RPS6KC1: variants seen among roughly 807,000 people sequenced by gnomAD.
The protein encoded by RPS6KC1 is inactive ribosomal protein S6 kinase delta-1.
Under a neutral mutation model 103.8 loss-of-function variants are expected in RPS6KC1, and 54 were observed. The observed-to-expected ratio is 0.52, with a 90% CI of 0.42 to 0.65. The LOEUF is 0.65. Among genes scored for constraint, RPS6KC1 ranks in the 30% least tolerant of loss-of-function variants. The pLI, the probability that RPS6KC1 is intolerant of heterozygous loss-of-function variation, is 0.00. For synonymous variants in RPS6KC1, 439 were observed against 438.7 expected, an observed-to-expected ratio of 1.00 and a Z score of -0.01; for missense variants, 1,151 against 1,253.8, an observed-to-expected ratio of 0.92 and a Z score of 1.24.
chr1:213,393,803 GGGA>G, the RPS6KC1 span, among the ~76,000 whole-genome samples: 5 of 152,168 alleles, frequency 3.3e-5, no homozygotes, highest in East Asian at 9.6e-4. Context: ...GCTTGTGAAA[GGGA>G]GGAGAAGGAG....
the RPS6KC1 span, among the ~76,000 whole-genome samples, chr1:213,848,242 G>C: frequency 1.3e-5 from 2 of 152,062 alleles, no homozygotes; most frequent in African/African-American, 4.8e-5. Context: ...CCACAATCAA[G>C]ATATAGAACA....
the RPS6KC1 span, among the ~76,000 whole-genome samples, chr1:213,439,164 T>C: frequency 6.6e-6 from 1 of 152,266 alleles, no homozygotes; most frequent in South Asian, 2.1e-4. Context: ...CCCAACACCA[T>C]GGGGTTTCCA....
chr1:213,503,666 G>A, the RPS6KC1 span, among the ~76,000 whole-genome samples: 1 of 152,164 alleles, frequency 6.6e-6, no homozygotes, highest in Non-Finnish European at 1.5e-5. Flanking sequence ...TTGGGGCATT[G>A]CAAAGTCTGC....
At chr1:213,190,872 C>T (rs1185307991) in intron 8 of RPS6KC1, among the ~76,000 whole-genome samples, 7 of 152,086 alleles carry the variant, frequency 4.6e-5, no homozygotes, top group Admixed American at 2.6e-4. Flanking sequence ...TATGGATATT[C>T]GGTTTTCCCA....
chr1:213,370,837 G>A, the RPS6KC1 span, among the ~76,000 whole-genome samples: 8 of 152,124 alleles, frequency 5.3e-5, no homozygotes, highest in Non-Finnish European at 1.2e-4. Context: ...CCTTTGGGGT[G>A]GGGGACAGGG....
chr1:213,454,706 C>T, the RPS6KC1 span, among the ~76,000 whole-genome samples: 3 of 152,206 alleles, frequency 2.0e-5, no homozygotes, highest in African/African-American at 7.2e-5. Context: ...TAAACCCAAA[C>T]CACTTGCTTC....
intron 8 of RPS6KC1, 155 bp downstream of exon 8, chr1:213,176,647 G>C: frequency 2.1e-6 from 1 of 472,072 alleles, no homozygotes; most frequent in East Asian, 3.1e-5. Context: ...AAGAGAAAAA[G>C]CTTTTATCTG....
the RPS6KC1 span, among the ~76,000 whole-genome samples, chr1:213,506,269 A>G: frequency 1.3e-5 from 2 of 152,290 alleles, no homozygotes; most frequent in Admixed American, 6.5e-5. Flanking sequence ...GATTTTGTGC[A>G]TGGAAGAATG....
At chr1:213,715,392 A>G in the RPS6KC1 span, among the ~76,000 whole-genome samples, 1 of 152,192 alleles carries the variant, frequency 6.6e-6, no homozygotes, top group Non-Finnish European at 1.5e-5. Context: ...AGCAATGCTG[A>G]GTCATAGATG....
the RPS6KC1 span, among the ~76,000 whole-genome samples, chr1:213,300,609 G>A: frequency 3.3e-3 from 505 of 152,296 alleles, 6 homozygotes; most frequent in African/African-American, 0.012. Context: ...GGGGAAGTCT[G>A]TCTTTGGTAG....
At chr1:213,109,189 T>A (rs1430953290) in intron 4 of RPS6KC1, among the ~76,000 whole-genome samples, 1 of 152,220 alleles carries the variant, frequency 6.6e-6, no homozygotes, top group Non-Finnish European at 1.5e-5. Context: ...CAGGCTGGAG[T>A]GCAGTGGTGC....
chr1:213,434,551 G>A, the RPS6KC1 span, among the ~76,000 whole-genome samples: 1 of 152,112 alleles, frequency 6.6e-6, no homozygotes, highest in African/African-American at 2.4e-5. Context: ...CGCCTCCTGG[G>A]TTCAACCAAT....
At chr1:213,752,572 A>G in the RPS6KC1 span, among the ~76,000 whole-genome samples, 6 of 152,258 alleles carry the variant, frequency 3.9e-5, no homozygotes, top group African/African-American at 1.4e-4. Context: ...AGAACTAGGT[A>G]TTCCACCATT....
chr1:213,391,620 A>T, the RPS6KC1 span, among the ~76,000 whole-genome samples: 2 of 152,226 alleles, frequency 1.3e-5, no homozygotes, highest in Non-Finnish European at 2.9e-5. Flanking sequence ...TGGCTCTGCC[A>T]CTTACTGTTC....
the RPS6KC1 span, among the ~76,000 whole-genome samples, chr1:213,831,826 T>G: frequency 6.6e-6 from 1 of 152,170 alleles, no homozygotes; most frequent in South Asian, 2.1e-4. Context: ...AATAAAAAGT[T>G]GACAAAGTGC....
the RPS6KC1 span, among the ~76,000 whole-genome samples, chr1:213,710,207 G>A: frequency 1.3e-5 from 2 of 152,122 alleles, no homozygotes; most frequent in African/African-American, 2.4e-5. Flanking sequence ...TCCTGTATTG[G>A]GTGCATATAT....
intron 4 of RPS6KC1, among the ~76,000 whole-genome samples, chr1:213,110,480 C>T (rs1324676496): frequency 6.6e-6 from 1 of 152,074 alleles, no homozygotes; most frequent in Non-Finnish European, 1.5e-5. Flanking sequence ...GATATCTCTG[C>T]CCAATATTTA....
chr1:213,485,441 A>G, the RPS6KC1 span, among the ~76,000 whole-genome samples: 1 of 152,138 alleles, frequency 6.6e-6, no homozygotes, highest in Non-Finnish European at 1.5e-5. Flanking sequence ...CTATGGAGGT[A>G]AATGCTGAAA....
chr1:213,728,964 T>TTA, the RPS6KC1 span, among the ~76,000 whole-genome samples: 3 of 143,156 alleles, frequency 2.1e-5, no homozygotes, highest in Admixed American at 2.1e-4. Flanking sequence ...TTTTTTTTTT[T>TTA]TACCAGTGGA....
Sources: gnomAD v4.1 joint callset for allele counts (sites outside exome capture counted in the v4.1 genomes callset) on GRCh38, gnomAD v4.1.1 for gene constraint, MANE v1.5 for transcripts, NCBI Gene and HGNC (gene_info 2026-07-23, HGNC 2026-07-21) for gene names.